IRAK3: variants seen among roughly 807,000 people sequenced by gnomAD.
The protein encoded by IRAK3 is interleukin-1 receptor-associated kinase 3.
In IRAK3, 57 loss-of-function variants were observed where a neutral mutation model predicts 56.6. The observed-to-expected ratio is 1.01, with a 90% CI of 0.81 to 1.26. The LOEUF is 1.26. Ranked by LOEUF, IRAK3 falls within the 50% of genes most tolerant of loss-of-function variation. IRAK3 has a pLI of 0.00. For missense variants in IRAK3, 703 were observed against 719.0 expected (o/e 0.98, Z 0.25); for synonymous variants, 258 against 255.7 (o/e 1.01, Z -0.09).
At chr12:66,216,947 C>T (rs1210946081) in intron 5 of IRAK3, among the ~76,000 whole-genome samples, 3 of 152,174 alleles carry the variant, frequency 2.0e-5, no homozygotes, top group Non-Finnish European at 4.4e-5. Context: ...TGGCGATACA[C>T]TGCATGAAAA....
In IRAK3 at chr12:66,234,510, T is replaced by A. The variant is rs552892184; in HGVS notation, c.887+6140T>A. On this transcript the variant is annotated intron_variant, in intron 8 of 11. Coordinates refer to ENST00000261233, the MANE Select transcript of IRAK3 (RefSeq NM_007199.3). ...AATCCGTTTTGTATAGCAGCTGTAG[T>A]TGGGTCGTAAGTAAGTGTCATTCCA... 1.9e-6 allele frequency: 3 copies of A among 1,611,838 alleles called. No homozygotes were observed. In the African/African-American group the frequency reaches 4.0e-5, roughly 22 times the overall value.
intron 1 of IRAK3, among the ~76,000 whole-genome samples, chr12:66,193,292 C>T (rs1196692515): frequency 6.6e-6 from 1 of 152,044 alleles, no homozygotes; most frequent in African/African-American, 2.4e-5. Flanking sequence ...GGATTACAGG[C>T]GTGAGCCACC....
chr12:66,226,281 G>T (rs912796744), intron 6 of IRAK3, among the ~76,000 whole-genome samples: 4 of 150,220 alleles, frequency 2.7e-5, no homozygotes, highest in African/African-American at 4.9e-5. Context: ...CGCTCTTGTC[G>T]CACAGGCTGG....
intron 8 of IRAK3, among the ~76,000 whole-genome samples, chr12:66,231,156 A>G (rs770646545): frequency 2.6e-4 from 39 of 152,260 alleles, no homozygotes; most frequent in Middle Eastern, 6.8e-3. Flanking sequence ...TCGTCAATTT[A>G]TAGTGTTTGA....
intron 8 of IRAK3, among the ~76,000 whole-genome samples, chr12:66,235,805 TTTTG>T (rs1357125235): frequency 6.6e-6 from 1 of 152,112 alleles, no homozygotes; most frequent in Non-Finnish European, 1.5e-5. Context: ...ATCAACAACG[TTTTG>T]TTTGGTTGGA....
intron 9 of IRAK3, 118 bp from the exon 10 acceptor site, chr12:66,244,830 A>T: frequency 9.4e-7 from 1 of 1,060,816 alleles, no homozygotes; most frequent in Non-Finnish European, 1.4e-6. Context: ...TCAAGCAATT[A>T]ATAAAATATA....
At chr12:66,202,965 TAAAC>T (rs2052523791) in intron 1 of IRAK3, among the ~76,000 whole-genome samples, 2 of 151,888 alleles carry the variant, frequency 1.3e-5, no homozygotes, top group Non-Finnish European at 2.9e-5. Flanking sequence ...TAGATATAAA[TAAAC>T]AACTGGATAA....
intron 8 of IRAK3, among the ~76,000 whole-genome samples, chr12:66,231,401 C>A (rs2052842575): frequency 6.6e-6 from 1 of 152,182 alleles, no homozygotes; most frequent in African/African-American, 2.4e-5. Flanking sequence ...ATTCATCTTA[C>A]TTCACAAATA....
At chr12:66,230,445 G>T (rs2052832655) in intron 8 of IRAK3, among the ~76,000 whole-genome samples, 2 of 152,172 alleles carry the variant, frequency 1.3e-5, no homozygotes, top group Admixed American at 1.3e-4. Flanking sequence ...ACTGAAGCTG[G>T]GGTGGCGCAT....
Position 66,189,365 on chromosome 12 carries a change from C to A in IRAK3, c.66C>A (p.Pro22=). 5.2e-6 allele frequency: 8 copies of A among 1,530,440 alleles called. No homozygotes were observed. Among genetic ancestry groups the A allele is most frequent in the Non-Finnish European group, 7.0e-6 (8 of 1,144,682 alleles). The allele number at this position is 1,530,440 out of a possible 1,614,324, so 94.8% of individuals were successfully genotyped here. A position where few individuals can be genotyped will look rare whatever the true frequency, so the allele number is the denominator to read the frequency against. The change falls in exon 1 of 12, where the codon CCC becomes CCA. Residue 22 remains proline (P), a synonymous_variant. Transcript: ENST00000261233. ...ACACGCTGCTGTTCGACCTGCCGCCCGCGCTGCTCGGAGAGCTCTGCGCTG... is the reference window on the plus strand; with the variant it reads ...ACACGCTGCTGTTCGACCTGCCGCCAGCGCTGCTCGGAGAGCTCTGCGCTG... The part of the protein sequence containing the change: ...SAHTLLFDLP[P]ALLGELCAVL...
intron 8 of IRAK3, 106 bp from the exon 9 acceptor site, chr12:66,244,380 T>TTAATTCGATATG: frequency 1.3e-6 from 1 of 779,864 alleles, no homozygotes; most frequent in Admixed American, 2.1e-5. Flanking sequence ...ATTTTGACAG[T>TTAATTCGATATG]GTTTCGAATT....
intron 8 of IRAK3, chr12:66,235,082 G>C: frequency 6.2e-7 from 1 of 1,613,438 alleles, no homozygotes; most frequent in South Asian, 1.1e-5. Flanking sequence ...GGTGGTGTGG[G>C]GAGGCAGTCC....
At position 66,189,341 on chromosome 12, in the gene IRAK3, C is replaced by T. The variant is rs886342853; in HGVS notation, c.42C>T (p.His14=). ...GGGCCCGCGGCGCGCTGTCGGCGCA[C>T]ACGCTGCTGTTCGACCTGCCGCCCG... The part of the protein sequence containing the change: ...NCGARGALSA[H]TLLFDLPPAL... Residue 14 remains histidine, a synonymous_variant, in exon 1 of 12, where the codon CAC becomes CAT. Coordinates refer to ENST00000261233, the MANE Select transcript of IRAK3 (RefSeq NM_007199.3). 1.3e-6 allele frequency: 2 copies of T among 1,532,720 alleles called. No individual in the cohort carries two copies. The highest frequency in any genetic ancestry group is 2.0e-5 in the Admixed American group (1 of 51,016). The allele number at this position is 1,532,720 out of a possible 1,614,324, so 94.9% of individuals were successfully genotyped here. A position where few individuals can be genotyped will look rare whatever the true frequency, so the allele number is the denominator to read the frequency against.
At position 66,248,037 on chromosome 12, in the gene IRAK3, G is replaced by T. The variant is rs1257894167; in HGVS notation, c.1657G>T (p.Asp553Tyr). 1 of 1,586,606 alleles carries T rather than the reference G, an allele frequency of 6.3e-7. No individual in the cohort carries two copies. The highest frequency in any genetic ancestry group is 1.8e-5 in the Admixed American group (1 of 54,978). Reference sequence around the variant, plus strand: ...CCCAAAGTATATAGTTCCATCCCAGGACTTAAGGCCCTATAAGGTAAATAT... The same window carrying T: ...CCCAAAGTATATAGTTCCATCCCAGTACTTAAGGCCCTATAAGGTAAATAT... The part of the protein sequence containing the change: ...WFPKYIVPSQ[D>Y]LRPYKVNIDP... The change falls in exon 12 of 12, where the codon GAC (aspartate) becomes TAC (tyrosine). Residue 553 changes from aspartate to tyrosine, a missense_variant. By Grantham distance (160) the Asp-to-Tyr change is radical. Coordinates refer to ENST00000261233, the MANE Select transcript of IRAK3 (RefSeq NM_007199.3).
intron 1 of IRAK3, among the ~76,000 whole-genome samples, chr12:66,201,529 A>G (rs944677252): frequency 2.3e-4 from 35 of 152,212 alleles, no homozygotes; most frequent in African/African-American, 6.5e-4. Flanking sequence ...TGGGAATATT[A>G]TCATAGGAAC....
At chr12:66,245,625 C>G (rs1431167188) in intron 11 of IRAK3, among the ~76,000 whole-genome samples, 1 of 148,172 alleles carries the variant, frequency 6.7e-6, no homozygotes, top group African/African-American at 2.5e-5. Flanking sequence ...TCCACCTCCC[C>G]AGTTCAAGTG....
intron 6 of IRAK3, among the ~76,000 whole-genome samples, chr12:66,225,098 C>A (rs1325080042): frequency 1.3e-5 from 2 of 152,052 alleles, no homozygotes; most frequent in African/African-American, 2.4e-5. Context: ...GTTCTTTTCT[C>A]CTCTCTGAGC....
Position 66,203,723 on chromosome 12 carries a change from C to G in IRAK3, c.146C>G (p.Ser49Ter), listed in dbSNP as rs2052530603. 1 of 1,614,024 alleles carries G rather than the reference C, an allele frequency of 6.2e-7. No homozygotes were observed. Among genetic ancestry groups the G allele is most frequent in the Admixed American group, 1.7e-5 (1 of 59,982 alleles). Residue 49 changes from serine to a stop codon, truncating the protein, a stop_gained, in exon 2 of 12, where the codon TCA (serine) becomes TGA (stop). Coordinates refer to ENST00000261233, the MANE Select transcript of IRAK3 (RefSeq NM_007199.3). LOFTEE classifies it high-confidence loss of function. ...LGWRGLAERL[S>*]SSWLDVRHIE... ...GCAATTTCCACAGCAGAGAGACTTT[C>G]AAGCAGCTGGCTGGATGTTCGTCAT...
At chr12:66,201,396 G>A (rs1015269238) in intron 1 of IRAK3, among the ~76,000 whole-genome samples, 2 of 152,178 alleles carry the variant, frequency 1.3e-5, no homozygotes, top group African/African-American at 4.8e-5. Flanking sequence ...ATTTTATCCA[G>A]AGACTTGCAT....
Sources: gnomAD v4.1 joint callset for allele counts (sites outside exome capture counted in the v4.1 genomes callset) on GRCh38, gnomAD v4.1.1 for gene constraint, MANE v1.5 for transcripts, NCBI Gene and HGNC (gene_info 2026-07-23, HGNC 2026-07-21) for gene names.